The following CALD1 variants were observed in gnomAD, a reference collection of about 807,000 sequenced individuals.
CALD1 encodes caldesmon.
A neutral mutation model predicts 99.9 loss-of-function variants in CALD1; 33 were observed. That is an observed-to-expected ratio of 0.33 (90% CI 0.25 to 0.44). CALD1 has a LOEUF of 0.44. Among genes scored for constraint, CALD1 ranks in the 20% least tolerant of loss-of-function variants. The probability of loss-of-function intolerance (pLI) is 1.00; values close to 1 mark genes in which losing one functional copy is unlikely to be tolerated. For missense variants in CALD1, 861 were observed against 962.1 expected (o/e 0.89, Z 1.39); for synonymous variants, 310 against 325.0 (o/e 0.95, Z 0.50).
chr7:134,798,876 G>A (rs1158166862), intron 1 of CALD1, among the ~76,000 whole-genome samples: 2 of 152,222 alleles, frequency 1.3e-5, no homozygotes, highest in Admixed American at 6.5e-5. Context: ...ATGGTGGAAA[G>A]GCTGGACTAG....
chr7:134,829,473 T>A (rs1799135790), intron 1 of CALD1, among the ~76,000 whole-genome samples: 1 of 152,172 alleles, frequency 6.6e-6, no homozygotes, highest in Admixed American at 6.5e-5. Flanking sequence ...ATTATCCAAG[T>A]AAGAAGTATG....
At chr7:134,965,235 C>A (rs555895976) in intron 13 of CALD1, 71 bp from the exon 14 acceptor site, 84 of 785,676 alleles carry the variant, frequency 1.1e-4, no homozygotes, top group Admixed American at 5.2e-4. Flanking sequence ...ATAGATGTGG[C>A]CATTTATTTA....
chr7:134,845,611 G>A (rs889554401), intron 2 of CALD1, among the ~76,000 whole-genome samples: 1 of 152,214 alleles, frequency 6.6e-6, no homozygotes, highest in Non-Finnish European at 1.5e-5. Context: ...ACATGCAAGG[G>A]CATGTGTCTA....
At chr7:134,867,628 T>G in intron 2 of CALD1, 65 bp from the exon 3 acceptor site, 1 of 572,548 alleles carries the variant, frequency 1.7e-6, no homozygotes. Flanking sequence ...AGAGGGCCCA[T>G]AGTAACTCAG....
intron 9 of CALD1, among the ~76,000 whole-genome samples, chr7:134,952,036 C>T (rs780027127): frequency 6.6e-6 from 1 of 152,190 alleles, no homozygotes; most frequent in Non-Finnish European, 1.5e-5. Flanking sequence ...CACAGTGGCT[C>T]ACACCTGTGA....
chr7:134,770,470 C>T (rs920171227), intron 1 of CALD1, among the ~76,000 whole-genome samples: 1 of 152,258 alleles, frequency 6.6e-6, no homozygotes, highest in South Asian at 2.1e-4. Flanking sequence ...CGCCTCCCTT[C>T]CAGCTTCTAG....
intron 13 of CALD1, among the ~76,000 whole-genome samples, chr7:134,963,973 C>A (rs1808473830): frequency 6.6e-6 from 1 of 152,088 alleles, no homozygotes; most frequent in Non-Finnish European, 1.5e-5. Context: ...CTGAGGCGGG[C>A]AGATTATGAG....
At chr7:134,715,871 A>T in the CALD1 span, among the ~76,000 whole-genome samples, 1 of 152,234 alleles carries the variant, frequency 6.6e-6, no homozygotes, top group Non-Finnish European at 1.5e-5. Flanking sequence ...CCTTTTATGG[A>T]GCTAAAAGTT....
chr7:134,726,314 A>G, the CALD1 span, among the ~76,000 whole-genome samples: 3 of 148,042 alleles, frequency 2.0e-5, no homozygotes, highest in Non-Finnish European at 4.5e-5. Context: ...ATAAGAATAT[A>G]TTAATATATT....
At chr7:134,939,502 G>A (rs572339599) in intron 6 of CALD1, among the ~76,000 whole-genome samples, 10 of 152,288 alleles carry the variant, frequency 6.6e-5, no homozygotes, top group Admixed American at 5.9e-4. Flanking sequence ...CAGTGTGTCC[G>A]AGGGACATCC....
chr7:134,965,631 C>T (rs537469247), intron 14 of CALD1, among the ~76,000 whole-genome samples: 11 of 152,266 alleles, frequency 7.2e-5, no homozygotes, highest in African/African-American at 2.2e-4. Flanking sequence ...CAATACACCA[C>T]AGTGGTAGGA....
At chr7:134,895,947 T>C (rs538713112) in intron 3 of CALD1, among the ~76,000 whole-genome samples, 166 of 152,340 alleles carry the variant, frequency 1.1e-3, no homozygotes, top group African/African-American at 3.9e-3. Context: ...CTGTCCTGTC[T>C]CATCCTGGTC....
intron 3 of CALD1, among the ~76,000 whole-genome samples, chr7:134,922,817 A>G (rs1416533918): frequency 6.6e-6 from 1 of 152,234 alleles, no homozygotes; most frequent in Non-Finnish European, 1.5e-5. Flanking sequence ...AAACATGGTT[A>G]TCTTGTTACT....
At chr7:134,748,883 G>C (rs953898465) in intron 1 of CALD1, among the ~76,000 whole-genome samples, 1 of 152,122 alleles carries the variant, frequency 6.6e-6, no homozygotes, top group Non-Finnish European at 1.5e-5. Flanking sequence ...TAGGTCATCA[G>C]AGCAGTCCTC....
chr7:134,711,685 T>C, the CALD1 span, among the ~76,000 whole-genome samples: 9 of 20,916 alleles, frequency 4.3e-4, no homozygotes, highest in South Asian at 7.7e-3. Flanking sequence ...TATATATGTG[T>C]GTGTGTGTGT....
chr7:134,964,021 AC>A (rs1414204492), intron 13 of CALD1, among the ~76,000 whole-genome samples: 4 of 151,962 alleles, frequency 2.6e-5, no homozygotes, highest in Non-Finnish European at 5.9e-5. Flanking sequence ...ACATGGTGAA[AC>A]CCCATCTCTA....
Position 134,872,104 on chromosome 7 carries a change from A to G in CALD1, c.71+4300A>G, listed in dbSNP as rs1293085353. On this transcript the variant is annotated intron_variant, in intron 3 of 14. Transcript: ENST00000361675. ...TTCTTCCAGCTGGGCGCAGTGGCTC[A>G]CGCCTGTAATCCCAGCACTCTGGGA... 2.0e-5 allele frequency among the ~76,000 whole-genome samples: 3 copies of G among 152,314 alleles called. No homozygotes were observed. The South Asian group carries it at 6.2e-4, about 32-fold the overall frequency.
upstream of CALD1, among the ~76,000 whole-genome samples, chr7:134,774,744 G>A (rs1229494938): frequency 6.6e-6 from 1 of 152,142 alleles, no homozygotes; most frequent in East Asian, 1.9e-4. Context: ...CCAGATTTCA[G>A]TTTCTCAGCT....
chr7:134,941,333 G>A (rs1806419384), intron 7 of CALD1, 96 bp downstream of exon 7: 3 of 967,226 alleles, frequency 3.1e-6, no homozygotes, highest in East Asian at 2.5e-5. Flanking sequence ...AGACAGAAAC[G>A]TGCTAAGCAG....
Sources: gnomAD v4.1 joint callset for allele counts (sites outside exome capture counted in the v4.1 genomes callset) on GRCh38, gnomAD v4.1.1 for gene constraint, MANE v1.5 for transcripts, NCBI Gene and HGNC (gene_info 2026-07-23, HGNC 2026-07-21) for gene names.